IL1RAPL1: variants seen among roughly 807,000 people sequenced by gnomAD.
IL1RAPL1 encodes interleukin-1 receptor accessory protein-like 1.
A neutral mutation model predicts 48.4 loss-of-function variants in IL1RAPL1; 3 were observed. That is an observed-to-expected ratio of 0.06 (90% CI 0.03 to 0.16). IL1RAPL1 has a LOEUF of 0.16. IL1RAPL1 is among the 10% of genes least tolerant of loss of function. The pLI is 1.00. For synonymous variants in IL1RAPL1, 185 were observed against 187.7 expected, an observed-to-expected ratio of 0.99 and a Z score of 0.12; for missense variants, 349 against 530.6, an observed-to-expected ratio of 0.66 and a Z score of 3.36.
chrX:29,074,358 C>T (rs2147442836), intron 2 of IL1RAPL1, among the ~76,000 whole-genome samples: 1 of 111,387 alleles, frequency 9.0e-6, no homozygotes, highest in South Asian at 3.8e-4. Flanking sequence ...ACATTGGGAG[C>T]ATAGAGATGA....
intron 2 of IL1RAPL1, among the ~76,000 whole-genome samples, chrX:29,253,939 A>G (rs1035946526): frequency 1.8e-5 from 2 of 111,853 alleles, no homozygotes; most frequent in African/African-American, 6.5e-5. Context: ...TATAATATTA[A>G]TGAAAGTCAC....
intron 6 of IL1RAPL1, among the ~76,000 whole-genome samples, chrX:29,673,184 C>T (rs918886384): frequency 1.8e-5 from 2 of 111,932 alleles, no homozygotes; most frequent in African/African-American, 6.5e-5. Context: ...ATAGTTACTA[C>T]TCTGTGTTAG....
At chrX:29,716,939 T>C (rs967307516) in intron 6 of IL1RAPL1, among the ~76,000 whole-genome samples, 30 of 111,415 alleles carry the variant, frequency 2.7e-4, no homozygotes, top group Non-Finnish European at 3.8e-5. Context: ...AAATTTTCTA[T>C]TGATATTGAA....
chrX:29,493,309 TAC>T (rs1005151845), intron 5 of IL1RAPL1, among the ~76,000 whole-genome samples: 2 of 112,198 alleles, frequency 1.8e-5, no homozygotes, highest in African/African-American at 6.5e-5. Context: ...ATACCACAGA[TAC>T]AGATTGGAGA....
chrX:29,076,730 TTC>T (rs1488897485), intron 2 of IL1RAPL1, among the ~76,000 whole-genome samples: 1 of 111,334 alleles, frequency 9.0e-6, no homozygotes, highest in Non-Finnish European at 1.9e-5. Flanking sequence ...CCATTCTGTC[TTC>T]TCTCTTCTTT....
chrX:28,815,378 G>T (rs187119239), intron 2 of IL1RAPL1, among the ~76,000 whole-genome samples: 52 of 110,253 alleles, frequency 4.7e-4, no homozygotes, highest in African/African-American at 1.6e-3. Context: ...CACATGTGAT[G>T]ATTTGAATAC....
chrX:28,792,966 G>T (rs990279609), intron 2 of IL1RAPL1, among the ~76,000 whole-genome samples: 30 of 101,648 alleles, frequency 3.0e-4, no homozygotes, highest in African/African-American at 1.0e-3. Flanking sequence ...TGACAACTAA[G>T]GACTATATCT....
At chrX:29,383,251 G>C in intron 3 of IL1RAPL1, among the ~76,000 whole-genome samples, 1 of 112,019 alleles carries the variant, frequency 8.9e-6, no homozygotes, top group South Asian at 3.7e-4. Context: ...AACTCTATGA[G>C]ATTAAGTATC....
At chrX:28,623,882 G>A (rs1934310682) in intron 1 of IL1RAPL1, among the ~76,000 whole-genome samples, 1 of 111,460 alleles carries the variant, frequency 9.0e-6, no homozygotes, top group Non-Finnish European at 1.9e-5. Context: ...CTTTGAGGCT[G>A]CATTTTAGAA....
rs549754684 is a variant in IL1RAPL1, at chrX:29,183,318, A to G, written c.83-99620A>G. ...GATCATCTCCCATCTGAATCAATAT[A>G]GCTTTCTAGAATTTTCCCATTCTTC... On this transcript the variant is annotated intron_variant, in intron 2 of 10. Coordinates refer to ENST00000378993, the MANE Select transcript of IL1RAPL1 (RefSeq NM_014271.4). Among the ~76,000 whole-genome samples the G allele has an allele frequency of 7.2e-5, 8 of 111,780 alleles. No individual in the cohort carries two copies. In the South Asian group the frequency reaches 3.0e-3, roughly 42 times the overall value.
chrX:29,675,446 T>G (rs1926252925), intron 6 of IL1RAPL1, among the ~76,000 whole-genome samples: 1 of 112,442 alleles, frequency 8.9e-6, no homozygotes, highest in Non-Finnish European at 1.9e-5. Flanking sequence ...TGCAGATTAC[T>G]CTTTTGCTGC....
chrX:28,766,269 C>T (rs981418056), intron 1 of IL1RAPL1, among the ~76,000 whole-genome samples: 1 of 110,874 alleles, frequency 9.0e-6, no homozygotes, highest in Non-Finnish European at 1.9e-5. Context: ...CTGTGTAACC[C>T]AAATTCTAGC....
intron 2 of IL1RAPL1, among the ~76,000 whole-genome samples, chrX:29,235,860 A>G (rs1931281626): frequency 9.0e-6 from 1 of 111,675 alleles, no homozygotes; most frequent in Non-Finnish European, 1.9e-5. Context: ...AAACTGGTGC[A>G]CTCTTTTCTC....
intron 3 of IL1RAPL1, among the ~76,000 whole-genome samples, chrX:29,284,398 A>G (rs1364371758): frequency 8.9e-6 from 1 of 112,515 alleles, no homozygotes; most frequent in Non-Finnish European, 1.9e-5. Context: ...ATATAAATGA[A>G]TATAAGTAAA....
intron 5 of IL1RAPL1, among the ~76,000 whole-genome samples, chrX:29,558,679 A>T (rs1303211385): frequency 1.8e-5 from 2 of 111,793 alleles, no homozygotes; most frequent in African/African-American, 3.2e-5. Flanking sequence ...TCAGGTATTA[A>T]GTATTTAATC....
At chrX:28,959,529 T>C (rs888287902) in intron 2 of IL1RAPL1, among the ~76,000 whole-genome samples, 3 of 112,226 alleles carry the variant, frequency 2.7e-5, no homozygotes, top group South Asian at 7.3e-4. Flanking sequence ...AATAGTAATG[T>C]AATTATAATT....
chrX:29,875,180 C>T (rs761033045), intron 6 of IL1RAPL1, among the ~76,000 whole-genome samples: 1 of 111,490 alleles, frequency 9.0e-6, no homozygotes, highest in African/African-American at 3.3e-5. Flanking sequence ...TCTTCTATTC[C>T]TTTTATTGGC....
chrX:28,898,014 C>A (rs1411117442), intron 2 of IL1RAPL1, among the ~76,000 whole-genome samples: 1 of 111,140 alleles, frequency 9.0e-6, no homozygotes, highest in South Asian at 3.8e-4. Context: ...CGGCCATTTT[C>A]ACTTCTTTTG....
rs143221649 is a variant in IL1RAPL1 at position 29,790,099 on chromosome X, C to T, written c.778+121595C>T. Among the ~76,000 whole-genome samples the T allele has an allele frequency of 1.1e-3, 127 of 111,194 alleles. 1 individual carries two copies. The highest frequency in any genetic ancestry group is 4.0e-3 in the African/African-American group (123 of 30,703). On this transcript the variant is annotated intron_variant, in intron 6 of 10. Coordinates refer to ENST00000378993, the MANE Select transcript of IL1RAPL1 (RefSeq NM_014271.4). Reference sequence around the variant, plus strand: ...TGAGGCTAAAGCAAATTAGTGTCAACGTTTTATCATGACCATTTACTCGGT... The same window carrying T: ...TGAGGCTAAAGCAAATTAGTGTCAATGTTTTATCATGACCATTTACTCGGT...
Sources: gnomAD v4.1 joint callset for allele counts (sites outside exome capture counted in the v4.1 genomes callset) on GRCh38, gnomAD v4.1.1 for gene constraint, MANE v1.5 for transcripts, NCBI Gene and HGNC (gene_info 2026-07-23, HGNC 2026-07-21) for gene names.